Variants in RBPJ observed in about 807,000 individuals in gnomAD.
RBPJ encodes recombination signal binding protein for immunoglobulin kappa J region.
RBPJ carries 9 observed loss-of-function variants against 67.8 expected under a neutral mutation model. That is an observed-to-expected ratio of 0.13 (90% CI 0.08 to 0.23). The LOEUF is 0.23. RBPJ is among the 10% of genes least tolerant of loss of function. The pLI is 1.00. For missense variants in RBPJ, 305 were observed against 595.6 expected, an observed-to-expected ratio of 0.51 and a Z score of 5.08; for synonymous variants, 198 against 203.3, an observed-to-expected ratio of 0.97 and a Z score of 0.22.
intron 2 of RBPJ, among the ~76,000 whole-genome samples, chr4:26,398,950 T>A (rs1052883455): frequency 6.6e-6 from 1 of 152,232 alleles, no homozygotes; most frequent in Non-Finnish European, 1.5e-5. Flanking sequence ...CTTCAGCTAC[T>A]TAAAAGTACT....
chr4:26,343,739 CTTTTTTTTTT>C (rs71186404), intron 1 of RBPJ, among the ~76,000 whole-genome samples: 112 of 55,830 alleles, frequency 2.0e-3, no homozygotes, highest in South Asian at 8.1e-3. Flanking sequence ...TTTCTTTCTT[CTTTTTTTTTT>C]TTTTTTTTTT....
At chr4:26,179,042 C>T (rs377369853) in intron 1 of RBPJ, among the ~76,000 whole-genome samples, 12 of 152,160 alleles carry the variant, frequency 7.9e-5, no homozygotes, top group African/African-American at 2.4e-4. Flanking sequence ...TGCTAATTGA[C>T]GTCACAACAC....
chr4:26,361,184 G>A (rs1728028116), intron 1 of RBPJ, among the ~76,000 whole-genome samples: 1 of 151,942 alleles, frequency 6.6e-6, no homozygotes, highest in South Asian at 2.1e-4. Flanking sequence ...TGTGGCTACA[G>A]GCAGAGATTT....
At chr4:26,268,056 T>C (rs1047505586) in intron 1 of RBPJ, among the ~76,000 whole-genome samples, 5 of 152,228 alleles carry the variant, frequency 3.3e-5, no homozygotes, top group African/African-American at 4.8e-5. Context: ...CCAATACTTC[T>C]ATTTCAAAAA....
chr4:26,404,400 A>C (rs1169437524), intron 2 of RBPJ, among the ~76,000 whole-genome samples: 2 of 152,078 alleles, frequency 1.3e-5, no homozygotes, highest in Non-Finnish European at 2.9e-5. Flanking sequence ...ATCACCTGTT[A>C]TGGGGTAATA....
intron 1 of RBPJ, among the ~76,000 whole-genome samples, chr4:26,216,012 C>T (rs1718713024): frequency 6.6e-6 from 1 of 152,132 alleles, no homozygotes; most frequent in African/African-American, 2.4e-5. Flanking sequence ...GTCATCAGGG[C>T]CACCCTCCCT....
chr4:26,191,195 A>G (rs1717508949), intron 1 of RBPJ, among the ~76,000 whole-genome samples: 4 of 26,452 alleles, frequency 1.5e-4, no homozygotes, highest in African/African-American at 5.2e-4. Flanking sequence ...ATATATATAT[A>G]TATATATATA....
At chr4:26,256,464 T>C (rs1367236377) in intron 1 of RBPJ, among the ~76,000 whole-genome samples, 1 of 152,210 alleles carries the variant, frequency 6.6e-6, no homozygotes, top group East Asian at 1.9e-4. Flanking sequence ...TAAATGACTA[T>C]TTCTAGTCCA....
chr4:26,301,453 G>T (rs577509943), intron 1 of RBPJ, among the ~76,000 whole-genome samples: 36 of 151,976 alleles, frequency 2.4e-4, no homozygotes, highest in Admixed American at 1.2e-3. Flanking sequence ...TTAGCCGGGC[G>T]TGGTGGCGGG....
At chr4:26,319,037 A>T (rs1722773124), upstream of RBPJ, among the ~76,000 whole-genome samples, 1 of 151,214 alleles carries the variant, frequency 6.6e-6, no homozygotes, top group East Asian at 1.9e-4. Flanking sequence ...CAATTGCTAA[A>T]GTAGAGTAGC....
At chr4:26,425,690 ACCAC>A (rs1001415272) in intron 7 of RBPJ, among the ~76,000 whole-genome samples, 19 of 152,272 alleles carry the variant, frequency 1.2e-4, no homozygotes, top group East Asian at 5.8e-4. Flanking sequence ...CTATAGTGCC[ACCAC>A]CCTCCCAATT....
At chr4:26,157,098 C>CA in the RBPJ span, among the ~76,000 whole-genome samples, 1,452 of 26,266 alleles carry the variant, frequency 0.055, 18 homozygotes, top group Non-Finnish European at 0.12. Context: ...AACAAACAAA[C>CA]AAAAACAAAC....
At chr4:26,109,523 CAT>C in the RBPJ span, among the ~76,000 whole-genome samples, 206 of 44,410 alleles carry the variant, frequency 4.6e-3, 13 homozygotes, top group Middle Eastern at 0.013. Context: ...TACACACACA[CAT>C]ATATATATAT....
chr4:26,140,490 A>G, the RBPJ span, among the ~76,000 whole-genome samples: 118 of 152,216 alleles, frequency 7.8e-4, no homozygotes, highest in African/African-American at 2.7e-3. Flanking sequence ...CGTTGATTCT[A>G]TTCTCAGACT....
Position 26,287,576 on chromosome 4 carries a change from AAGGAC to A in RBPJ, c.-166-74865_-166-74861del, listed in dbSNP as rs1419850149. Among the ~76,000 whole-genome samples the A allele has an allele frequency of 2.2e-3, 93 of 43,056 alleles. 13 individuals are homozygous for A. Among genetic ancestry groups the A allele is most frequent in the African/African-American group, 0.011 (79 of 7,444 alleles). 28.2% of individuals were successfully genotyped at this position (43,056 alleles called of 152,430 possible). A position where few individuals can be genotyped will look rare whatever the true frequency, so the allele number is the denominator to read the frequency against. ...TCGGAAAGGAAAGGAAAGGAAAGGAAAGGACAGGAGAGGAGAGGGGAGGGGAGGGG... is the reference window on the plus strand; with the variant it reads ...TCGGAAAGGAAAGGAAAGGAAAGGAAAGGAGAGGAGAGGGGAGGGGAGGGG... On this transcript the variant is annotated intron_variant, in intron 1 of 4. Transcript: ENST00000512351.
At chr4:26,160,143 C>T (rs1716050972), upstream of RBPJ, among the ~76,000 whole-genome samples, 2 of 152,166 alleles carry the variant, frequency 1.3e-5, no homozygotes, top group Non-Finnish European at 2.9e-5. Flanking sequence ...TGGTCTCGAT[C>T]TCCTGATCTC....
At chr4:26,237,614 G>C (rs1472347349) in intron 1 of RBPJ, among the ~76,000 whole-genome samples, 2 of 152,178 alleles carry the variant, frequency 1.3e-5, no homozygotes, top group Non-Finnish European at 2.9e-5. Flanking sequence ...CTTGTGATAA[G>C]TGAAGAAACA....
At chr4:26,408,581 G>A (rs976181343) in intron 3 of RBPJ, among the ~76,000 whole-genome samples, 3 of 152,166 alleles carry the variant, frequency 2.0e-5, no homozygotes, top group African/African-American at 7.2e-5. Context: ...GGTAGAAACA[G>A]TTTCATATTG....
intron 3 of RBPJ, among the ~76,000 whole-genome samples, chr4:26,412,707 G>C (rs1316128194): frequency 1.3e-5 from 2 of 152,120 alleles, no homozygotes; most frequent in Non-Finnish European, 2.9e-5. Flanking sequence ...ATTTACTAAG[G>C]AGTCTTAACA....
Sources: gnomAD v4.1 joint callset for allele counts (sites outside exome capture counted in the v4.1 genomes callset) on GRCh38, gnomAD v4.1.1 for gene constraint, MANE v1.5 for transcripts, NCBI Gene and HGNC (gene_info 2026-07-23, HGNC 2026-07-21) for gene names.